The following MTMR8 variants were observed in gnomAD, a reference collection of about 807,000 sequenced individuals.
MTMR8 encodes the protein myotubularin related protein 8.
MTMR8 carries 65 observed loss-of-function variants against 39.3 expected under a neutral mutation model. The observed-to-expected ratio is 1.65, with a 90% CI of 1.35 to 2.03. The LOEUF (loss-of-function observed/expected upper bound fraction) is 2.03. Among genes scored for constraint, MTMR8 ranks in the 30% most tolerant of loss-of-function variants. The pLI is 0.00. For missense variants in MTMR8, 777 were observed against 538.9 expected (o/e 1.44, Z -4.37); for synonymous variants, 245 against 185.2 (o/e 1.32, Z -2.62).
intron 1 of MTMR8, among the ~76,000 whole-genome samples, chrX:64,383,001 A>G (rs1395244457): frequency 9.0e-6 from 1 of 111,136 alleles, no homozygotes; most frequent in Non-Finnish European, 1.9e-5. Flanking sequence ...GTAGGTTCCA[A>G]GCTTCACCCT....
intron 12 of MTMR8, among the ~76,000 whole-genome samples, chrX:64,309,768 G>A (rs1045175865): frequency 6.3e-5 from 7 of 111,885 alleles, no homozygotes; most frequent in Non-Finnish European, 1.3e-4. Flanking sequence ...ACAATTTTTT[G>A]GCATGTAATT....
chrX:64,322,262 G>A (rs1079925), intron 12 of MTMR8, among the ~76,000 whole-genome samples: 26,152 of 110,046 alleles, frequency 0.24, 7,547 homozygotes, highest in African/African-American at 0.82. Flanking sequence ...CTCCCAAAGT[G>A]ATGGGATTAC....
chrX:64,309,614 AC>A (rs1441314687), intron 12 of MTMR8, among the ~76,000 whole-genome samples: 2 of 111,390 alleles, frequency 1.8e-5, no homozygotes, highest in African/African-American at 3.3e-5. Flanking sequence ...TATGGCTAGG[AC>A]TTCCAATACT....
chrX:64,284,235 C>T (rs991452346), intron 12 of MTMR8, among the ~76,000 whole-genome samples: 2 of 111,209 alleles, frequency 1.8e-5, no homozygotes, highest in Non-Finnish European at 3.8e-5. Flanking sequence ...TGATTGAAGA[C>T]CACATGAATG....
chrX:64,300,607 G>T (rs1487750368), intron 12 of MTMR8, among the ~76,000 whole-genome samples: 137 of 101,615 alleles, frequency 1.3e-3, no homozygotes, highest in Middle Eastern at 5.1e-3. Flanking sequence ...GTGTGAATTT[G>T]ATCCTGTCAT....
chrX:64,372,034 TGATGAGAACATA>T (rs995054999), intron 1 of MTMR8, among the ~76,000 whole-genome samples: 2 of 108,946 alleles, frequency 1.8e-5, no homozygotes, highest in Middle Eastern at 4.7e-3. Flanking sequence ...ATACCTACAT[TGATGAGAACATA>T]GATGAGAACA....
At chrX:64,298,380 G>A (rs1175371689) in intron 12 of MTMR8, among the ~76,000 whole-genome samples, 3 of 90,900 alleles carry the variant, frequency 3.3e-5, no homozygotes, top group East Asian at 3.5e-4. Context: ...TTGGCTCTCT[G>A]TCTGTTGTTG....
chrX:64,270,203 A>T (rs945341848), intron 13 of MTMR8, among the ~76,000 whole-genome samples: 1 of 111,842 alleles, frequency 8.9e-6, no homozygotes, highest in Non-Finnish European at 1.9e-5. Context: ...GCCTCCCAAG[A>T]GGACATTAAA....
At chrX:64,330,226 G>T (rs1922906290) in intron 11 of MTMR8, among the ~76,000 whole-genome samples, 2 of 112,159 alleles carry the variant, frequency 1.8e-5, no homozygotes, top group South Asian at 7.4e-4. Context: ...TTATGGAAAA[G>T]ATTCTGTGTT....
chrX:64,320,471 G>A (rs1329797083), intron 12 of MTMR8, among the ~76,000 whole-genome samples: 4 of 110,674 alleles, frequency 3.6e-5, no homozygotes, highest in Admixed American at 1.9e-4. Context: ...GCTCCCTAAG[G>A]TATGGGCTCA....
chrX:64,384,692 C>A (rs1013864068), intron 1 of MTMR8, among the ~76,000 whole-genome samples: 1 of 112,451 alleles, frequency 8.9e-6, no homozygotes, highest in African/African-American at 3.2e-5. Context: ...GCCAGAGTAG[C>A]CCAGATTTGA....
intron 1 of MTMR8, among the ~76,000 whole-genome samples, chrX:64,367,875 C>A (rs1464817377): frequency 9.0e-6 from 1 of 111,597 alleles, no homozygotes; most frequent in African/African-American, 3.3e-5. Flanking sequence ...TGTCTCAGCC[C>A]AAAATCTCAT....
chrX:64,338,308 C>T (rs1400798886), intron 8 of MTMR8, among the ~76,000 whole-genome samples: 1 of 111,769 alleles, frequency 8.9e-6, no homozygotes, highest in African/African-American at 3.3e-5. Context: ...TGCATGACTG[C>T]AAACCAATGA....
chrX:64,324,196 T>G (rs1387100643), intron 12 of MTMR8, among the ~76,000 whole-genome samples: 1 of 107,888 alleles, frequency 9.3e-6, no homozygotes, highest in East Asian at 3.0e-4. Context: ...AGACCTCATC[T>G]CTACAAAAAA....
At chrX:64,378,371 T>C (rs1250321291) in intron 1 of MTMR8, among the ~76,000 whole-genome samples, 4 of 111,281 alleles carry the variant, frequency 3.6e-5, no homozygotes, top group Non-Finnish European at 7.5e-5. Context: ...CAGGCATAAA[T>C]CACCATGCCA....
At chrX:64,303,395 C>A (rs772714239) in intron 12 of MTMR8, among the ~76,000 whole-genome samples, 1 of 112,285 alleles carries the variant, frequency 8.9e-6, no homozygotes, top group Non-Finnish European at 1.9e-5. Flanking sequence ...AGACACACTG[C>A]AAAAATACTC....
chrX:64,305,514 T>C (rs1922079845), intron 12 of MTMR8: 1 of 364,018 alleles, frequency 2.7e-6, no homozygotes, highest in Non-Finnish European at 5.1e-6. Flanking sequence ...TGCCCACAAG[T>C]ATGAAAGAGC....
chrX:64,364,326 C>A (rs1923882944), intron 1 of MTMR8, among the ~76,000 whole-genome samples: 2 of 112,230 alleles, frequency 1.8e-5, no homozygotes, highest in African/African-American at 6.5e-5. Context: ...CTGGGAGACA[C>A]CTCCCAGTAG....
At chrX:64,288,485 A>T (rs1921278956) in intron 12 of MTMR8, among the ~76,000 whole-genome samples, 1 of 111,798 alleles carries the variant, frequency 8.9e-6, no homozygotes, top group Non-Finnish European at 1.9e-5. Context: ...CTAGAACTAG[A>T]AATACCATTT....
Sources: allele counts gnomAD v4.1 joint callset (sites outside exome capture counted in the v4.1 genomes callset), GRCh38; gene constraint gnomAD v4.1.1; transcripts MANE v1.5; gene names NCBI Gene and HGNC (gene_info 2026-07-23, HGNC 2026-07-21).